Variants in FHIT observed in about 807,000 individuals in gnomAD.
FHIT encodes fragile histidine triad diadenosine triphosphatase, also known as bis(5'-adenosyl)-triphosphatase.
A neutral mutation model predicts 17.9 loss-of-function variants in FHIT; 19 were observed. That is an observed-to-expected ratio of 1.06 (90% CI 0.74 to 1.56). The LOEUF is 1.56. Among genes scored for constraint, FHIT ranks in the 40% most tolerant of loss-of-function variants. The pLI is 0.00. For missense variants in FHIT, 248 were observed against 189.2 expected, an observed-to-expected ratio of 1.31 and a Z score of -1.82; for synonymous variants, 81 against 69.7, an observed-to-expected ratio of 1.16 and a Z score of -0.81.
intron 5 of FHIT, among the ~76,000 whole-genome samples, chr3:60,313,117 G>C (rs914015966): frequency 6.6e-6 from 1 of 152,088 alleles, no homozygotes; most frequent in Non-Finnish European, 1.5e-5. Context: ...TAATTCCTAA[G>C]GCCATACTCC....
intron 2 of FHIT, among the ~76,000 whole-genome samples, chr3:61,160,212 C>T (rs1166139394): frequency 7.1e-6 from 1 of 140,690 alleles, no homozygotes; most frequent in Non-Finnish European, 1.5e-5. Flanking sequence ...AATCAGATTT[C>T]ATCACTCTGG....
intron 3 of FHIT, among the ~76,000 whole-genome samples, chr3:60,938,946 G>A (rs1258104359): frequency 6.6e-6 from 1 of 152,056 alleles, no homozygotes; most frequent in African/African-American, 2.4e-5. Flanking sequence ...TACGGAAAAG[G>A]GTAAAAGTTA....
intron 4 of FHIT, among the ~76,000 whole-genome samples, chr3:60,559,750 C>CGAGAAAA (rs1491278336): frequency 1.6e-5 from 1 of 61,072 alleles, no homozygotes; most frequent in South Asian, 7.4e-4. Flanking sequence ...TGAGAAAAAG[C>CGAGAAAA]ATGTCCCTCT....
intron 3 of FHIT, among the ~76,000 whole-genome samples, chr3:60,970,856 A>G (rs1709974466): frequency 6.6e-6 from 1 of 152,194 alleles, no homozygotes; most frequent in South Asian, 2.1e-4. Context: ...TAATCTAATG[A>G]AACGTTCATA....
chr3:60,114,054 T>C (rs992287421), intron 5 of FHIT, among the ~76,000 whole-genome samples: 1 of 90,482 alleles, frequency 1.1e-5, no homozygotes, highest in Non-Finnish European at 2.1e-5. Context: ...TATATATATA[T>C]ATATATATAT....
chr3:59,919,093 A>AC (rs1409514220), intron 8 of FHIT, among the ~76,000 whole-genome samples: 1 of 151,898 alleles, frequency 6.6e-6, no homozygotes. Context: ...ATCACAAAAA[A>AC]CCCCCCACTA....
chr3:60,095,674 C>G (rs990088303), intron 5 of FHIT, among the ~76,000 whole-genome samples: 8 of 152,178 alleles, frequency 5.3e-5, no homozygotes, highest in Admixed American at 3.3e-4. Context: ...AGATGTTTTT[C>G]TAGATAATCG....
intron 8 of FHIT, among the ~76,000 whole-genome samples, chr3:59,784,356 G>A (rs553887291): frequency 3.9e-5 from 6 of 152,346 alleles, no homozygotes; most frequent in Admixed American, 3.9e-4. Context: ...TTTTTGAAAT[G>A]CAAATCAGAT....
At chr3:60,755,486 G>A (rs1171708536) in intron 4 of FHIT, among the ~76,000 whole-genome samples, 2 of 152,132 alleles carry the variant, frequency 1.3e-5, no homozygotes, top group Admixed American at 6.5e-5. Flanking sequence ...GATCTGCATT[G>A]GACCCATGGA....
At chr3:60,918,984 G>T (rs868914837) in intron 3 of FHIT, among the ~76,000 whole-genome samples, 1 of 151,894 alleles carries the variant, frequency 6.6e-6, no homozygotes, top group African/African-American at 2.4e-5. Flanking sequence ...AAACTTCTAT[G>T]GGTAAAAAAA....
At chr3:59,984,319 G>C (rs1346892694) in intron 7 of FHIT, among the ~76,000 whole-genome samples, 3 of 151,968 alleles carry the variant, frequency 2.0e-5, no homozygotes, top group Non-Finnish European at 4.4e-5. Flanking sequence ...AAGTAAGACA[G>C]GGGAAAAAAG....
At position 60,447,178 on chromosome 3, in the gene FHIT, G is replaced by T. The variant is rs116526848; in HGVS notation, c.103+89682C>A. Reference sequence around the variant, plus strand: ...TAGTTCCCTGATTTCTGGGTCTCTTGGTTGTCTTGGCAGTTCTTTGTTATC... The same window carrying T: ...TAGTTCCCTGATTTCTGGGTCTCTTTGTTGTCTTGGCAGTTCTTTGTTATC... On this transcript the variant is annotated intron_variant, in intron 5 of 9. Transcript: ENST00000492590. 9.0e-3 allele frequency among the ~76,000 whole-genome samples: 1,365 copies of T among 152,110 alleles called. 16 individuals are homozygous for T. The highest frequency in any genetic ancestry group is 0.031 in the African/African-American group (1,307 of 41,506).
chr3:60,516,024 G>A (rs1257005044), intron 5 of FHIT, among the ~76,000 whole-genome samples: 1 of 152,138 alleles, frequency 6.6e-6, no homozygotes, highest in Non-Finnish European at 1.5e-5. Context: ...AGTGGGGAAG[G>A]CGGGGAAGGC....
At chr3:60,492,502 G>A (rs931039029) in intron 5 of FHIT, among the ~76,000 whole-genome samples, 5 of 151,166 alleles carry the variant, frequency 3.3e-5, no homozygotes, top group Non-Finnish European at 7.4e-5. Flanking sequence ...AAGAATGAAA[G>A]ATGGCATTTT....
chr3:60,554,791 A>T (rs2036688004), intron 4 of FHIT, among the ~76,000 whole-genome samples: 1 of 152,264 alleles, frequency 6.6e-6, no homozygotes, highest in Non-Finnish European at 1.5e-5. Flanking sequence ...CATAATAATT[A>T]CTATTCTGCA....
chr3:60,710,937 C>T (rs1413506338), intron 4 of FHIT, among the ~76,000 whole-genome samples: 1 of 152,218 alleles, frequency 6.6e-6, no homozygotes, highest in Non-Finnish European at 1.5e-5. Flanking sequence ...TCCCAGCATG[C>T]AGCTGGAGAT....
At chr3:60,483,885 ATTGTC>A (rs1288380518) in intron 5 of FHIT, among the ~76,000 whole-genome samples, 1 of 152,134 alleles carries the variant, frequency 6.6e-6, no homozygotes, top group Non-Finnish European at 1.5e-5. Context: ...AGGAAGTTAA[ATTGTC>A]TCTGTTTAGA....
At chr3:60,589,346 T>C (rs1384833763) in intron 4 of FHIT, among the ~76,000 whole-genome samples, 1 of 152,008 alleles carries the variant, frequency 6.6e-6, no homozygotes, top group Non-Finnish European at 1.5e-5. Flanking sequence ...CTTGTATTTG[T>C]GTGAACTCCT....
chr3:59,866,882 G>A (rs1050284229), intron 8 of FHIT, among the ~76,000 whole-genome samples: 3 of 151,938 alleles, frequency 2.0e-5, no homozygotes, highest in Non-Finnish European at 4.4e-5. Flanking sequence ...TTCCAAATCC[G>A]GCTGATAATT....
Sources: allele counts gnomAD v4.1 joint callset (sites outside exome capture counted in the v4.1 genomes callset), GRCh38; gene constraint gnomAD v4.1.1; transcripts MANE v1.5; gene names NCBI Gene and HGNC (gene_info 2026-07-23, HGNC 2026-07-21).